PTPRK: variants seen among roughly 807,000 people sequenced by gnomAD.
The protein encoded by PTPRK is protein tyrosine phosphatase receptor type K.
Under a neutral mutation model 178.0 loss-of-function variants are expected in PTPRK, and 75 were observed. The ratio of observed to expected loss-of-function variants is 0.42; its 90% CI spans 0.35 to 0.51. The LOEUF (loss-of-function observed/expected upper bound fraction) is 0.51, where lower values mean the gene tolerates loss of function less well. PTPRK is among the 20% of genes least tolerant of loss of function. The pLI, the probability that PTPRK is intolerant of heterozygous loss-of-function variation, is 0.02. For synonymous variants in PTPRK, 637 were observed against 620.6 expected, an observed-to-expected ratio of 1.03 and a Z score of -0.39; for missense variants, 1,441 against 1,797.8, an observed-to-expected ratio of 0.80 and a Z score of 3.59.
intron 2 of PTPRK, among the ~76,000 whole-genome samples, chr6:128,331,767 T>TCAAAA (rs56930955): frequency 0.97 from 147,660 of 152,064 alleles, 71,833 homozygotes; most frequent in East Asian, 1. Context: ...CCCCCAAACT[T>TCAAAA]CAAATTAACT....
chr6:128,412,669 T>A (rs769809583), intron 1 of PTPRK, among the ~76,000 whole-genome samples: 2 of 152,202 alleles, frequency 1.3e-5, no homozygotes, highest in Non-Finnish European at 2.9e-5. Flanking sequence ...AGAAAGAAGA[T>A]ACATTTTTGT....
chr6:128,169,734 ATTG>A (rs1799952558), intron 7 of PTPRK, among the ~76,000 whole-genome samples: 1 of 151,140 alleles, frequency 6.6e-6, no homozygotes, highest in Non-Finnish European at 1.5e-5. Flanking sequence ...CCATCTTGTT[ATTG>A]TTAAGCATTT....
chr6:128,408,592 G>A (rs1278420643), intron 1 of PTPRK, among the ~76,000 whole-genome samples: 1 of 152,094 alleles, frequency 6.6e-6, no homozygotes, highest in African/African-American at 2.4e-5. Context: ...AGGGCAACTT[G>A]GTTTCATTTA....
At chr6:128,128,026 TTAA>T (rs1793654304) in intron 7 of PTPRK, among the ~76,000 whole-genome samples, 1 of 152,164 alleles carries the variant, frequency 6.6e-6, no homozygotes, top group Non-Finnish European at 1.5e-5. Context: ...AATGTAGAAA[TTAA>T]TGAGAAGTTA....
intron 2 of PTPRK, among the ~76,000 whole-genome samples, chr6:128,373,636 G>C (rs1291633987): frequency 6.6e-6 from 1 of 152,026 alleles, no homozygotes; most frequent in African/African-American, 2.4e-5. Context: ...CTAGTATTCT[G>C]ATTTTTCATT....
At chr6:128,242,847 G>T (rs1814713238) in intron 3 of PTPRK, among the ~76,000 whole-genome samples, 1 of 152,166 alleles carries the variant, frequency 6.6e-6, no homozygotes, top group Non-Finnish European at 1.5e-5. Flanking sequence ...TTATTACCAA[G>T]TATTGTTATA....
chr6:128,364,061 C>G (rs1389090991), intron 2 of PTPRK, among the ~76,000 whole-genome samples: 1 of 151,980 alleles, frequency 6.6e-6, no homozygotes, highest in Admixed American at 6.6e-5. Context: ...GAGCCAAAAC[C>G]TGAACCTGAA....
chr6:128,449,160 C>T (rs1379961387), intron 1 of PTPRK, among the ~76,000 whole-genome samples: 2 of 151,954 alleles, frequency 1.3e-5, no homozygotes, highest in Non-Finnish European at 2.9e-5. Context: ...GTGCCTGGCC[C>T]GCCAGTTTTA....
intron 15 of PTPRK, among the ~76,000 whole-genome samples, chr6:128,002,050 T>A (rs1777890563): frequency 6.6e-6 from 1 of 151,796 alleles, no homozygotes; most frequent in Non-Finnish European, 1.5e-5. Flanking sequence ...TTGGTGGACA[T>A]CAAAGGGAGA....
intron 7 of PTPRK, among the ~76,000 whole-genome samples, chr6:128,091,255 C>A (rs1024180757): frequency 2.6e-5 from 4 of 152,190 alleles, no homozygotes; most frequent in African/African-American, 9.7e-5. Context: ...CTCCCAACTT[C>A]ACCACTTTCA....
At chr6:128,394,405 C>T (rs878999318) in intron 2 of PTPRK, among the ~76,000 whole-genome samples, 1 of 152,166 alleles carries the variant, frequency 6.6e-6, no homozygotes, top group Admixed American at 6.5e-5. Flanking sequence ...ATTTGCTGGT[C>T]ACAAGGTTGT....
intron 7 of PTPRK, among the ~76,000 whole-genome samples, chr6:128,135,854 A>C (rs142743364): frequency 2.6e-5 from 4 of 151,654 alleles, no homozygotes; most frequent in Non-Finnish European, 5.9e-5. Flanking sequence ...AATAAAAATA[A>C]TAAAAAAAAA....
intron 1 of PTPRK, among the ~76,000 whole-genome samples, chr6:128,477,781 CTTTT>C (rs963989854): frequency 6.6e-6 from 1 of 152,018 alleles, no homozygotes; most frequent in African/African-American, 2.4e-5. Context: ...TAAACACTGA[CTTTT>C]TTTATTAGTA....
intron 1 of PTPRK, chr6:128,409,157 G>A (rs543882284): frequency 3.3e-6 from 1 of 299,842 alleles, no homozygotes; most frequent in South Asian, 2.9e-5. Flanking sequence ...CTACTTATGG[G>A]AAGCAACATT....
At chr6:128,139,034 A>G (rs1317938088) in intron 7 of PTPRK, among the ~76,000 whole-genome samples, 2 of 152,072 alleles carry the variant, frequency 1.3e-5, no homozygotes, top group Non-Finnish European at 2.9e-5. Flanking sequence ...AGAGTAGGGG[A>G]GAATAATGTG....
At chr6:128,150,683 A>G (rs1473141860) in intron 7 of PTPRK, among the ~76,000 whole-genome samples, 4 of 152,230 alleles carry the variant, frequency 2.6e-5, no homozygotes, top group East Asian at 1.9e-4. Flanking sequence ...CCTCCTGGAT[A>G]TCGCATTTTC....
chr6:128,378,750 T>C (rs1231554000), intron 2 of PTPRK, among the ~76,000 whole-genome samples: 1 of 152,110 alleles, frequency 6.6e-6, no homozygotes, highest in Non-Finnish European at 1.5e-5. Flanking sequence ...TATCTCACTT[T>C]TGGAGAAATT....
intron 3 of PTPRK, among the ~76,000 whole-genome samples, chr6:128,283,189 T>A (rs1475782504): frequency 2.0e-5 from 3 of 152,070 alleles, no homozygotes; most frequent in African/African-American, 7.2e-5. Context: ...GCCTACAGAG[T>A]CCTTGGTGCA....
chr6:128,497,732 T>G (rs1330144389), intron 1 of PTPRK, among the ~76,000 whole-genome samples: 1 of 152,116 alleles, frequency 6.6e-6, no homozygotes, highest in Non-Finnish European at 1.5e-5. Flanking sequence ...TCTGTTCTCT[T>G]AATTTGGATC....
Sources: gnomAD v4.1 joint callset for allele counts (sites outside exome capture counted in the v4.1 genomes callset) on GRCh38, gnomAD v4.1.1 for gene constraint, MANE v1.5 for transcripts, NCBI Gene and HGNC (gene_info 2026-07-23, HGNC 2026-07-21) for gene names.